AMPH: variants seen among roughly 807,000 people sequenced by gnomAD.
The protein encoded by AMPH is amphiphysin, also known as amphiphysin (Stiff-Mann syndrome with breast cancer 128kD autoantigen).
In AMPH, 49 loss-of-function variants were observed where a neutral mutation model predicts 99.1. The observed-to-expected ratio is 0.49, with a 90% CI of 0.39 to 0.63. The LOEUF (loss-of-function observed/expected upper bound fraction) is 0.63. AMPH is among the 20% of genes least tolerant of loss of function. The pLI, the probability that AMPH is intolerant of heterozygous loss-of-function variation, is 0.00. For missense variants in AMPH, 759 were observed against 863.4 expected, an observed-to-expected ratio of 0.88 and a Z score of 1.52; for synonymous variants, 314 against 317.3, an observed-to-expected ratio of 0.99 and a Z score of 0.11.
At chr7:38,478,111 C>G (rs1292134190) in intron 5 of AMPH, among the ~76,000 whole-genome samples, 8 of 151,790 alleles carry the variant, frequency 5.3e-5, no homozygotes, top group African/African-American at 1.7e-4. Context: ...CAAAAACAGC[C>G]CTAACTCCAC....
intron 1 of AMPH, among the ~76,000 whole-genome samples, chr7:38,587,926 G>C (rs908230103): frequency 1.3e-5 from 2 of 148,354 alleles, no homozygotes; most frequent in Non-Finnish European, 2.9e-5. Flanking sequence ...GTGTGTGTGT[G>C]TGTGTGTGTG....
In AMPH at chr7:38,420,384, A is replaced by T. The variant is rs138282087; in HGVS notation, c.1272+2037T>A. ...GTGCCCTACCTTCACTGTTTTTCCT[A>T]CAAGATGCCTCCCTTGAAAGACATT... On this transcript the variant is annotated intron_variant, in intron 16 of 20. Transcript: ENST00000356264. 5.9e-5 allele frequency among the ~76,000 whole-genome samples: 9 copies of T among 152,328 alleles called. No individual in the cohort carries two copies. The East Asian group carries it at 1.7e-3, about 29-fold the overall frequency.
intron 1 of AMPH, among the ~76,000 whole-genome samples, chr7:38,571,567 C>T (rs6971554): frequency 0.83 from 116,869 of 141,514 alleles, 48,638 homozygotes; most frequent in African/African-American, 0.91. Context: ...TATACTTATA[C>T]ATAAATTTAA....
intron 1 of AMPH, among the ~76,000 whole-genome samples, chr7:38,547,216 G>A (rs1035776952): frequency 1.3e-5 from 2 of 151,984 alleles, no homozygotes; most frequent in East Asian, 1.9e-4. Context: ...TAAATCCCTT[G>A]CTGGTTTCCC....
intron 2 of AMPH, among the ~76,000 whole-genome samples, chr7:38,508,564 G>C (rs1050916137): frequency 3.9e-5 from 6 of 152,174 alleles, no homozygotes; most frequent in Admixed American, 3.9e-4. Flanking sequence ...GGGCTCAGGT[G>C]GAAAGCCAGC....
intron 19 of AMPH, among the ~76,000 whole-genome samples, chr7:38,390,244 C>T (rs1040881294): frequency 1.3e-5 from 2 of 152,106 alleles, no homozygotes; most frequent in African/African-American, 4.8e-5. Flanking sequence ...TCTAAAGCTC[C>T]TCTAACCCCA....
At chr7:38,533,971 T>C (rs979338525) in intron 2 of AMPH, among the ~76,000 whole-genome samples, 1 of 152,108 alleles carries the variant, frequency 6.6e-6, no homozygotes, top group African/African-American at 2.4e-5. Context: ...TTAAAAATAG[T>C]TTCTATATCC....
chr7:38,575,854 T>G (rs1484197165), intron 1 of AMPH, among the ~76,000 whole-genome samples: 3 of 152,186 alleles, frequency 2.0e-5, no homozygotes, highest in Admixed American at 6.5e-5. Flanking sequence ...ATTCTATTCC[T>G]AAGGGGAATT....
At chr7:38,614,339 C>T (rs1793796384) in intron 1 of AMPH, among the ~76,000 whole-genome samples, 1 of 152,160 alleles carries the variant, frequency 6.6e-6, no homozygotes, top group Non-Finnish European at 1.5e-5. Context: ...CATGATGGAT[C>T]ATGTAAAATT....
At chr7:38,624,551 A>C (rs2129071893) in intron 1 of AMPH, among the ~76,000 whole-genome samples, 1 of 151,852 alleles carries the variant, frequency 6.6e-6, no homozygotes, top group East Asian at 1.9e-4. Context: ...CATGGTAAAA[A>C]AAAAAAAAAA....
At chr7:38,474,780 T>C (rs961386412) in intron 7 of AMPH, among the ~76,000 whole-genome samples, 2 of 152,188 alleles carry the variant, frequency 1.3e-5, no homozygotes, top group Non-Finnish European at 2.9e-5. Flanking sequence ...ATGCACGTAA[T>C]TCCACGAGAA....
chr7:38,629,115 G>A (rs1794364352), intron 1 of AMPH, among the ~76,000 whole-genome samples: 1 of 152,278 alleles, frequency 6.6e-6, no homozygotes, highest in Admixed American at 6.5e-5. Context: ...GTAGAAAGAG[G>A]GAATCACGTG....
At chr7:38,612,693 C>T (rs1010655867) in intron 1 of AMPH, among the ~76,000 whole-genome samples, 1 of 152,110 alleles carries the variant, frequency 6.6e-6, no homozygotes, top group Non-Finnish European at 1.5e-5. Context: ...GATGAGGGTA[C>T]CCGAGAGCCA....
intron 13 of AMPH, 134 bp downstream of exon 13, chr7:38,432,055 T>C (rs1786049547): frequency 1.2e-6 from 1 of 839,562 alleles, no homozygotes; most frequent in Non-Finnish European, 2.1e-6. Flanking sequence ...AGTGGCCTAA[T>C]GATCATTCTA....
At chr7:38,555,157 C>A (rs1303525806) in intron 1 of AMPH, among the ~76,000 whole-genome samples, 1 of 151,856 alleles carries the variant, frequency 6.6e-6, no homozygotes, top group Non-Finnish European at 1.5e-5. Flanking sequence ...TCATTTAATG[C>A]AGTTCTTTGG....
At chr7:38,616,496 C>T (rs556565051) in intron 1 of AMPH, among the ~76,000 whole-genome samples, 79 of 152,194 alleles carry the variant, frequency 5.2e-4, no homozygotes, top group African/African-American at 1.7e-3. Flanking sequence ...AGGTATTAAC[C>T]CAAGATAAAT....
intron 11 of AMPH, among the ~76,000 whole-genome samples, chr7:38,453,977 G>C (rs4720285): frequency 0.61 from 93,315 of 152,160 alleles, 29,337 homozygotes; most frequent in African/African-American, 0.75. Context: ...GGACAACTGG[G>C]AGATGCTGGG....
chr7:38,493,048 A>C (rs1788787656), intron 4 of AMPH, among the ~76,000 whole-genome samples: 1 of 152,230 alleles, frequency 6.6e-6, no homozygotes, highest in Non-Finnish European at 1.5e-5. Flanking sequence ...GATGTAAAGG[A>C]GCCAACAAAT....
intron 11 of AMPH, among the ~76,000 whole-genome samples, chr7:38,460,129 C>T (rs1177695778): frequency 6.6e-6 from 1 of 152,010 alleles, no homozygotes; most frequent in Non-Finnish European, 1.5e-5. Context: ...CAAATCAAAA[C>T]CAAATTGAGA....
Sources: gnomAD v4.1 joint callset for allele counts (sites outside exome capture counted in the v4.1 genomes callset) on GRCh38, gnomAD v4.1.1 for gene constraint, MANE v1.5 for transcripts, NCBI Gene and HGNC (gene_info 2026-07-23, HGNC 2026-07-21) for gene names.